The following HDAC9 variants were observed in gnomAD, a reference collection of about 807,000 sequenced individuals.
HDAC9 encodes the protein histone deacetylase 9, also known as MEF-2 interacting transcription repressor (MITR) protein.
A neutral mutation model predicts 139.4 loss-of-function variants in HDAC9; 41 were observed. The ratio of observed to expected loss-of-function variants is 0.29; its 90% CI spans 0.23 to 0.38. The LOEUF is 0.38. Among genes scored for constraint, HDAC9 ranks in the 10% least tolerant of loss-of-function variants. HDAC9 has a pLI of 1.00. For synonymous variants in HDAC9, 517 were observed against 476.2 expected, an observed-to-expected ratio of 1.09 and a Z score of -1.12; for missense variants, 1,147 against 1,297.0, an observed-to-expected ratio of 0.88 and a Z score of 1.78.
At chr7:18,500,867 T>C (rs963341167) in intron 2 of HDAC9, among the ~76,000 whole-genome samples, 5 of 151,520 alleles carry the variant, frequency 3.3e-5, no homozygotes, top group African/African-American at 1.2e-4. Context: ...GGTGAGATGA[T>C]AAACAAGAGA....
intron 2 of HDAC9, among the ~76,000 whole-genome samples, chr7:18,178,220 A>G (rs1394050655): frequency 1.3e-5 from 2 of 152,116 alleles, no homozygotes; most frequent in Non-Finnish European, 2.9e-5. Flanking sequence ...AGTAGCTGGG[A>G]TTACAGGCAC....
chr7:18,744,717 T>G (rs1243677494), intron 13 of HDAC9, among the ~76,000 whole-genome samples: 4 of 152,016 alleles, frequency 2.6e-5, no homozygotes, highest in African/African-American at 7.2e-5. Context: ...GACAACTACA[T>G]GCAATAAAGA....
intron 21 of HDAC9, among the ~76,000 whole-genome samples, chr7:18,847,805 C>G (rs1354082685): frequency 6.6e-6 from 1 of 151,926 alleles, no homozygotes; most frequent in Non-Finnish European, 1.5e-5. Flanking sequence ...GAATTAGTAA[C>G]TATTCAACAC....
chr7:18,402,378 T>C (rs1354590606), intron 1 of HDAC9, among the ~76,000 whole-genome samples: 1 of 152,276 alleles, frequency 6.6e-6, no homozygotes, highest in Admixed American at 6.5e-5. Context: ...AGTAGGAATC[T>C]TTAAGCCAGA....
intron 2 of HDAC9, among the ~76,000 whole-genome samples, chr7:18,195,755 C>A (rs1015962762): frequency 1.3e-5 from 2 of 152,074 alleles, no homozygotes; most frequent in African/African-American, 4.8e-5. Context: ...ATTTAATCCT[C>A]TTTTTTGCAG....
intron 2 of HDAC9, among the ~76,000 whole-genome samples, chr7:18,185,320 G>C (rs915632273): frequency 6.6e-6 from 1 of 152,190 alleles, no homozygotes; most frequent in South Asian, 2.1e-4. Context: ...GACTTAATTT[G>C]ACTTTTATGA....
At chr7:18,910,563 G>A (rs1802652578) in intron 22 of HDAC9, among the ~76,000 whole-genome samples, 1 of 151,916 alleles carries the variant, frequency 6.6e-6, no homozygotes, top group Non-Finnish European at 1.5e-5. Context: ...CTCTGACTCG[G>A]ACTTCTAGTA....
intron 22 of HDAC9, among the ~76,000 whole-genome samples, chr7:18,896,541 G>A (rs547827051): frequency 5.9e-5 from 9 of 152,138 alleles, no homozygotes; most frequent in Admixed American, 5.9e-4. Flanking sequence ...CCTGTTTGGT[G>A]TTGTATTTCA....
rs113032817 is a variant in HDAC9, at chr7:18,319,701, C to CA, written c.-42+29193dup. 4.0e-3 allele frequency among the ~76,000 whole-genome samples: 603 copies of CA among 151,950 alleles called. 4 individuals are homozygous for CA. The highest frequency in any genetic ancestry group is 0.014 in the African/African-American group (586 of 41,464). Reference sequence around the variant, plus strand: ...TAAGAGGCACTTCTGTTGTGTTCCTCAAAAAAATTTTTAGCCATCCAACTT... The same window carrying CA: ...TAAGAGGCACTTCTGTTGTGTTCCTCAAAAAAAATTTTTAGCCATCCAACTT... On this transcript the variant is annotated intron_variant, in intron 1 of 3. Transcript: ENST00000413509.
intron 25 of HDAC9, among the ~76,000 whole-genome samples, chr7:18,979,921 C>A (rs113564289): frequency 6.6e-6 from 1 of 152,166 alleles, no homozygotes; most frequent in Non-Finnish European, 1.5e-5. Context: ...ACCTCCCACA[C>A]TGGGGATTAT....
chr7:18,129,264 T>A (rs927639445), intron 1 of HDAC9, among the ~76,000 whole-genome samples: 1 of 152,172 alleles, frequency 6.6e-6, no homozygotes, highest in Non-Finnish European at 1.5e-5. Context: ...TAAACTGATA[T>A]ACCATGGAAA....
intron 3 of HDAC9, 69 bp from the exon 4 acceptor site, chr7:18,590,267 A>G: frequency 6.7e-7 from 1 of 1,484,988 alleles, no homozygotes; most frequent in African/African-American, 1.4e-5. Context: ...ATAACATTTC[A>G]GTTTTGGTCA....
At chr7:18,669,041 A>C (rs1041302078) in intron 12 of HDAC9, among the ~76,000 whole-genome samples, 13 of 151,530 alleles carry the variant, frequency 8.6e-5, no homozygotes, top group Non-Finnish European at 1.8e-4. Flanking sequence ...TTACATCCAA[A>C]ATTTTCAAAT....
chr7:18,142,157 A>G (rs779436765), intron 1 of HDAC9, among the ~76,000 whole-genome samples: 6 of 152,180 alleles, frequency 3.9e-5, no homozygotes, highest in Non-Finnish European at 8.8e-5. Context: ...GAGCAAGGCT[A>G]CAAAGAGCCT....
At chr7:18,474,933 G>A (rs2128123082) in intron 1 of HDAC9, among the ~76,000 whole-genome samples, 1 of 152,326 alleles carries the variant, frequency 6.6e-6, no homozygotes, top group Non-Finnish European at 1.5e-5. Flanking sequence ...AAGACACCTT[G>A]TATGGATGTT....
At chr7:18,116,233 T>G (rs1584135902) in intron 1 of HDAC9, among the ~76,000 whole-genome samples, 1 of 152,310 alleles carries the variant, frequency 6.6e-6, no homozygotes, top group East Asian at 1.9e-4. Flanking sequence ...TTTTTGAGAA[T>G]AAGAAATAAA....
intron 8 of HDAC9, 144 bp from the exon 9 acceptor site, chr7:18,644,524 CATT>C (rs1211875430): frequency 3.8e-6 from 2 of 532,726 alleles, no homozygotes; most frequent in Non-Finnish European, 5.9e-6. Flanking sequence ...TTAAATTTGA[CATT>C]ATAACTTTTG....
chr7:18,995,322 A>C (rs1031256182), intron 25 of HDAC9, among the ~76,000 whole-genome samples: 1 of 152,174 alleles, frequency 6.6e-6, no homozygotes, highest in African/African-American at 2.4e-5. Flanking sequence ...TATTCTTTTG[A>C]GTAAATTAAA....
chr7:18,648,082 C>T (rs1425734361), intron 10 of HDAC9, 84 bp downstream of exon 10: 3 of 1,078,776 alleles, frequency 2.8e-6, no homozygotes, highest in Non-Finnish European at 4.0e-6. Context: ...TTACTCAAGA[C>T]CCTGATGGAG....
Sources: gnomAD v4.1 joint callset for allele counts (sites outside exome capture counted in the v4.1 genomes callset) on GRCh38, gnomAD v4.1.1 for gene constraint, MANE v1.5 for transcripts, NCBI Gene and HGNC (gene_info 2026-07-23, HGNC 2026-07-21) for gene names.